PDE3A: variants seen among roughly 807,000 people sequenced by gnomAD.
The protein encoded by PDE3A is phosphodiesterase 3A, also known as cGMP-inhibited 3',5'-cyclic phosphodiesterase 3A.
PDE3A carries 43 observed loss-of-function variants against 98.3 expected under a neutral mutation model. That is an observed-to-expected ratio of 0.44 (90% CI 0.34 to 0.56). The LOEUF is 0.56. Ranked by LOEUF, PDE3A falls within the 20% of genes least tolerant of loss-of-function variation. The pLI is 0.01. For synonymous variants in PDE3A, 663 were observed against 567.9 expected (o/e 1.17, Z -2.38); for missense variants, 1,427 against 1,440.7 (o/e 0.99, Z 0.15).
intron 15 of PDE3A, among the ~76,000 whole-genome samples, chr12:20,668,703 C>A (rs1388847945): frequency 6.7e-6 from 1 of 150,020 alleles, no homozygotes; most frequent in Non-Finnish European, 1.5e-5. Context: ...ATCTGTACAT[C>A]ACCATCATCA....
intron 1 of PDE3A, among the ~76,000 whole-genome samples, chr12:20,421,560 C>CTTGTACCT (rs931246243): frequency 6.7e-6 from 1 of 149,694 alleles, no homozygotes; most frequent in African/African-American, 2.5e-5. Context: ...GCATAAAACA[C>CTTGTACCT]TTGTACCTGT....
intron 15 of PDE3A, among the ~76,000 whole-genome samples, chr12:20,660,526 C>A (rs1315587649): frequency 6.6e-6 from 1 of 151,892 alleles, no homozygotes; most frequent in African/African-American, 2.4e-5. Context: ...TGTGTCTCCA[C>A]CCAAATCTAA....
At chr12:20,422,367 C>T (rs970851161) in intron 1 of PDE3A, among the ~76,000 whole-genome samples, 10 of 151,942 alleles carry the variant, frequency 6.6e-5, no homozygotes, top group Non-Finnish European at 1.3e-4. Flanking sequence ...TTTAGGGTGG[C>T]ACTAACTGTC....
intron 1 of PDE3A, among the ~76,000 whole-genome samples, chr12:20,460,578 A>G (rs956246601): frequency 6.6e-6 from 1 of 152,250 alleles, no homozygotes. Flanking sequence ...TGAAAGTTTT[A>G]TATGGTTATG....
At chr12:20,625,007 G>A (rs551606397) in intron 5 of PDE3A, among the ~76,000 whole-genome samples, 8 of 152,204 alleles carry the variant, frequency 5.3e-5, no homozygotes, top group South Asian at 2.1e-4. Context: ...GCAATGAGGC[G>A]GAGGGAAAGC....
chr12:20,542,037 A>G (rs1941926512), intron 1 of PDE3A, among the ~76,000 whole-genome samples: 1 of 152,068 alleles, frequency 6.6e-6, no homozygotes, highest in African/African-American at 2.4e-5. Flanking sequence ...TGGGGCTAGT[A>G]TATATTGTAG....
chr12:20,615,680 A>C (rs1050649754), intron 3 of PDE3A, among the ~76,000 whole-genome samples: 4 of 152,116 alleles, frequency 2.6e-5, no homozygotes, highest in Non-Finnish European at 5.9e-5. Context: ...ATAATCACAT[A>C]TTTGTATAAG....
At chr12:20,640,201 A>C (rs1016740258) in intron 10 of PDE3A, among the ~76,000 whole-genome samples, 8 of 152,126 alleles carry the variant, frequency 5.3e-5, no homozygotes, top group African/African-American at 1.7e-4. Context: ...AGTTCATAAA[A>C]TGAGAATTAT....
Position 20,586,410 on chromosome 12 carries a change from G to A in PDE3A, c.1012-27033G>A, listed in dbSNP as rs112413587. Among the ~76,000 whole-genome samples the A allele has an allele frequency of 1.4e-3, 218 of 152,254 alleles. 5 individuals are homozygous for A. The South Asian group carries it at 0.03, about 21-fold the overall frequency. On this transcript the variant is annotated intron_variant, in intron 2 of 15. Transcript: ENST00000359062. ...TAGCTATTTCTCCTAGTGGGACTGC[G>A]TCATATTCCTCATGTAAGTTGGAGT...
intron 1 of PDE3A, among the ~76,000 whole-genome samples, chr12:20,416,841 G>A (rs1171871310): frequency 6.6e-6 from 1 of 152,070 alleles, no homozygotes; most frequent in Non-Finnish European, 1.5e-5. Flanking sequence ...TAATTTAGAA[G>A]GAACTTCCTT....
intron 1 of PDE3A, among the ~76,000 whole-genome samples, chr12:20,474,348 T>A (rs1945491680): frequency 6.6e-6 from 1 of 152,224 alleles, no homozygotes; most frequent in South Asian, 2.1e-4. Flanking sequence ...CTAGATATAT[T>A]GTGAGTGTTT....
At chr12:20,649,496 A>C (rs920441932) in intron 13 of PDE3A, among the ~76,000 whole-genome samples, 3 of 152,134 alleles carry the variant, frequency 2.0e-5, no homozygotes, top group African/African-American at 7.2e-5. Flanking sequence ...TTTCATCTCT[A>C]CGGTATATTT....
chr12:20,629,847 C>A, intron 5 of PDE3A, 61 bp from the exon 6 acceptor site: 1 of 1,269,876 alleles, frequency 7.9e-7, no homozygotes, highest in Non-Finnish European at 1.2e-6. Context: ...TGAAGTTCAA[C>A]AGTTGCAATT....
intron 1 of PDE3A, among the ~76,000 whole-genome samples, chr12:20,468,146 A>C (rs1341528354): frequency 3.9e-5 from 6 of 152,202 alleles, no homozygotes; most frequent in Admixed American, 3.3e-4. Flanking sequence ...TGATTTTGAT[A>C]CATAAATTCA....
rs951571225 is a variant in PDE3A at position 20,552,328 on chromosome 12, G to A, written c.961-4332G>A. On this transcript the variant is annotated intron_variant, in intron 1 of 15. Coordinates refer to ENST00000359062, the MANE Select transcript of PDE3A (RefSeq NM_000921.5). This position sits in a 1 kb window ranked among gnomAD's most constrained non-coding sequence, Gnocchi z 5.1. ...CTACAAGGTTGTGAAATACTGGCCC[G>A]AGAAGGGGAAGTCCGGGTTTCTCGT... is the stretch of plus-strand genomic sequence containing the variant. 6.2e-6 allele frequency: 10 copies of A among 1,613,832 alleles called. No homozygotes were observed. Among genetic ancestry groups the A allele is most frequent in the Non-Finnish European group, 7.6e-6 (9 of 1,179,898 alleles).
At position 20,447,678 on chromosome 12, in the gene PDE3A, A is replaced by C. The variant is rs775198861; in HGVS notation, c.960+77434A>C. 4.7e-4 allele frequency among the ~76,000 whole-genome samples: 72 copies of C among 152,306 alleles called. 1 individual carries two copies. The highest frequency in any genetic ancestry group is 1.6e-4 in the Non-Finnish European group (11 of 68,022). ...CAGCTCTCCAACTGGCTGTTCATTC[A>C]TATGCTTTGTAATTTTTTTATAATA... is the stretch of plus-strand genomic sequence containing the variant. On this transcript the variant is annotated intron_variant, in intron 1 of 15. Coordinates refer to ENST00000359062, the MANE Select transcript of PDE3A (RefSeq NM_000921.5).
intron 1 of PDE3A, among the ~76,000 whole-genome samples, chr12:20,500,700 C>G (rs1362409173): frequency 6.6e-6 from 1 of 151,122 alleles, no homozygotes; most frequent in Non-Finnish European, 1.5e-5. Flanking sequence ...ATATTTGTAT[C>G]TTGCTGCAGG....
chr12:20,570,561 T>C (rs1232863670), intron 2 of PDE3A, among the ~76,000 whole-genome samples: 1 of 152,008 alleles, frequency 6.6e-6, no homozygotes, highest in African/African-American at 2.4e-5. Flanking sequence ...GCCATTCAAA[T>C]TGATTTAAAA....
chr12:20,370,215 A>G lies in PDE3A; in HGVS notation c.931A>G (p.Thr311Ala), dbSNP rs1943441199. Residue 311 changes from threonine to alanine, a missense_variant, in exon 1 of 16, where the codon ACC (threonine) becomes GCC (alanine). Thr to Ala is a moderately conservative substitution (Grantham distance 58). Around this residue, in one of 3 missense-constraint regions of PDE3A, gnomAD observed 1,012 missense variants for 886.5 expected, o/e 1.14. Coordinates refer to ENST00000359062, the MANE Select transcript of PDE3A (RefSeq NM_000921.5). ...CTGCAGCAGCAAGTCCCATCGGAGG[A>G]CCTCCCTGCCCTGTATACCGAGGGA... is the stretch of plus-strand genomic sequence containing the variant. Reference protein sequence around the residue: ...SGCSSKSHRRTSLPCIPREQL... With the variant: ...SGCSSKSHRRASLPCIPREQL... 3 of 1,598,256 alleles carry G rather than the reference A, an allele frequency of 1.9e-6. No individual in the cohort carries two copies. Among genetic ancestry groups the G allele is most frequent in the Non-Finnish European group, 2.6e-6 (3 of 1,173,368 alleles).
Sources: gnomAD v4.1 joint callset for allele counts (sites outside exome capture counted in the v4.1 genomes callset) on GRCh38, gnomAD v4.1.1 for gene constraint, gnomAD v4.1.1 regional missense constraint, Gnocchi (gnomAD v3.1) non-coding constraint, MANE v1.5 for transcripts, NCBI Gene and HGNC (gene_info 2026-07-23, HGNC 2026-07-21) for gene names.